EPM2A: variants seen among roughly 807,000 people sequenced by gnomAD.
EPM2A encodes the protein laforin.
A neutral mutation model predicts 26.5 loss-of-function variants in EPM2A; 21 were observed. The observed-to-expected ratio is 0.79, with a 90% confidence interval of 0.56 to 1.14. EPM2A has a LOEUF of 1.14. Ranked by LOEUF, EPM2A falls within the 50% of genes most tolerant of loss-of-function variation. EPM2A has a pLI of 0.00. For synonymous variants in EPM2A, 217 were observed against 177.6 expected (o/e 1.22, Z -1.76); for missense variants, 458 against 440.8 (o/e 1.04, Z -0.35).
At chr6:145,450,450 C>A (rs1470709388) in intron 4 of EPM2A, among the ~76,000 whole-genome samples, 1 of 152,030 alleles carries the variant, frequency 6.6e-6, no homozygotes, top group Admixed American at 6.5e-5. Flanking sequence ...CAGAACTCCC[C>A]TCCTAAGCAT....
chr6:145,687,447 T>C (rs1226977533), intron 1 of EPM2A, among the ~76,000 whole-genome samples: 3 of 152,114 alleles, frequency 2.0e-5, no homozygotes, highest in African/African-American at 7.2e-5. Flanking sequence ...TCTTACATAC[T>C]AGTAAACCTT....
intron 3 of EPM2A, chr6:145,631,848 T>TCTCTCTCTC (rs1776275205): frequency 7.0e-6 from 1 of 142,836 alleles, no homozygotes; most frequent in African/African-American, 2.7e-5. Context: ...CTTTCAGCCT[T>TCTCTCTCTC]TCTCTCTCTC....
intron 2 of EPM2A, among the ~76,000 whole-genome samples, chr6:145,652,352 T>G (rs1777943945): frequency 6.6e-6 from 1 of 152,144 alleles, no homozygotes; most frequent in South Asian, 2.1e-4. Flanking sequence ...TTAATGGGAT[T>G]CTAATTTTCT....
chr6:145,589,748 C>A (rs1196229159), intron 2 of EPM2A, among the ~76,000 whole-genome samples: 2 of 151,968 alleles, frequency 1.3e-5, no homozygotes, highest in Non-Finnish European at 2.9e-5. Context: ...TGCATGCAAA[C>A]CATCCAAAAG....
chr6:145,587,237 A>C (rs1160563333), intron 2 of EPM2A, among the ~76,000 whole-genome samples: 1 of 152,206 alleles, frequency 6.6e-6, no homozygotes, highest in Non-Finnish European at 1.5e-5. Flanking sequence ...TGAAAGAAGC[A>C]TTGTCATCCT....
At chr6:145,707,144 T>C (rs1440309451) in intron 1 of EPM2A, among the ~76,000 whole-genome samples, 1 of 152,206 alleles carries the variant, frequency 6.6e-6, no homozygotes, top group African/African-American at 2.4e-5. Context: ...AATTACCCAA[T>C]CTAAGGTATT....
At chr6:145,477,697 T>C (rs1779559842) in intron 4 of EPM2A, among the ~76,000 whole-genome samples, 1 of 151,872 alleles carries the variant, frequency 6.6e-6, no homozygotes, top group African/African-American at 2.4e-5. Flanking sequence ...TCATTTCAAT[T>C]GATGCTGGAA....
chr6:145,420,185 C>T (rs1229383581), intron 4 of EPM2A, among the ~76,000 whole-genome samples: 5 of 152,070 alleles, frequency 3.3e-5, no homozygotes, highest in Admixed American at 2.0e-4. Flanking sequence ...ATCACCACCA[C>T]CACCACAGTA....
At chr6:145,685,499 CAT>C (rs1780839668) in intron 2 of EPM2A, among the ~76,000 whole-genome samples, 1 of 152,052 alleles carries the variant, frequency 6.6e-6, no homozygotes, top group African/African-American at 2.4e-5. Context: ...ACAAGCAACA[CAT>C]ATGCATATTG....
intron 4 of EPM2A, among the ~76,000 whole-genome samples, chr6:145,475,385 T>C (rs1263202432): frequency 6.6e-6 from 1 of 152,120 alleles, no homozygotes; most frequent in Non-Finnish European, 1.5e-5. Context: ...ACACTGCATG[T>C]TCTCACTCAT....
chr6:145,503,096 T>C (rs991326792), intron 2 of EPM2A, among the ~76,000 whole-genome samples: 1 of 152,214 alleles, frequency 6.6e-6, no homozygotes. Context: ...CTATCATCTG[T>C]CCTTTCTATT....
At chr6:145,425,753 A>G (rs984712039) in intron 4 of EPM2A, among the ~76,000 whole-genome samples, 3 of 152,014 alleles carry the variant, frequency 2.0e-5, no homozygotes, top group African/African-American at 7.2e-5. Context: ...CTTGCTCTTT[A>G]TTGAAGACAC....
chr6:145,465,948 A>C (rs1400764380), intron 4 of EPM2A, among the ~76,000 whole-genome samples: 1 of 152,136 alleles, frequency 6.6e-6, no homozygotes, highest in Non-Finnish European at 1.5e-5. Flanking sequence ...TAGAAAGCTG[A>C]AACTGGATCC....
intron 4 of EPM2A, among the ~76,000 whole-genome samples, chr6:145,433,094 CT>C (rs1258405594): frequency 6.6e-6 from 1 of 152,202 alleles, no homozygotes; most frequent in Non-Finnish European, 1.5e-5. Flanking sequence ...ACCATTCAAA[CT>C]TTGTCCATAT....
intron 1 of EPM2A, chr6:145,734,948 G>T: frequency 7.2e-6 from 2 of 276,200 alleles, no homozygotes; most frequent in Admixed American, 5.4e-5. Context: ...CAGAGTGGGC[G>T]GGAAGGCGGC....
chr6:145,705,494 G>A (rs1012967740), intron 1 of EPM2A: 4 of 449,240 alleles, frequency 8.9e-6, no homozygotes, highest in Non-Finnish European at 1.8e-5. Flanking sequence ...GGTCTAGGCT[G>A]CAGTGAGGCA....
intron 4 of EPM2A, among the ~76,000 whole-genome samples, chr6:145,425,314 C>G (rs373829101): frequency 2.0e-5 from 3 of 152,168 alleles, no homozygotes; most frequent in Non-Finnish European, 2.9e-5. Flanking sequence ...GCTGGGATTA[C>G]AGGCATCCAC....
intron 2 of EPM2A, among the ~76,000 whole-genome samples, chr6:145,681,088 C>T (rs1169545107): frequency 6.6e-6 from 1 of 152,234 alleles, no homozygotes; most frequent in Non-Finnish European, 1.5e-5. Context: ...GCAATTCTAA[C>T]TGGTGTGAGA....
chr6:145,415,852 C>T (rs1000165526), intron 4 of EPM2A, among the ~76,000 whole-genome samples: 5 of 150,306 alleles, frequency 3.3e-5, no homozygotes, highest in African/African-American at 7.3e-5. Context: ...GGTAACTCCC[C>T]AGGCTCCTAA....
Sources: allele counts gnomAD v4.1 joint callset (sites outside exome capture counted in the v4.1 genomes callset), GRCh38; gene constraint gnomAD v4.1.1; transcripts MANE v1.5; gene names NCBI Gene and HGNC (gene_info 2026-07-23, HGNC 2026-07-21).